SKA2: variants seen among roughly 807,000 people sequenced by gnomAD.
The protein encoded by SKA2 is spindle and kinetochore-associated protein 2.
SKA2 carries 13 observed loss-of-function variants against 16.9 expected under a neutral mutation model. The observed-to-expected ratio is 0.77, with a 90% CI of 0.50 to 1.22. SKA2 has a LOEUF of 1.22. Among genes scored for constraint, SKA2 ranks in the 50% most tolerant of loss-of-function variants. The pLI is 0.00. For missense variants in SKA2, 107 were observed against 139.7 expected (o/e 0.77, Z 1.18); for synonymous variants, 47 against 48.5 (o/e 0.97, Z 0.13).
At chr17:59,116,644 T>C (rs1374820477) in intron 3 of SKA2, among the ~76,000 whole-genome samples, 2 of 152,086 alleles carry the variant, frequency 1.3e-5, no homozygotes, top group East Asian at 1.9e-4. Context: ...AGATAATACC[T>C]GAACAGATAT....
At chr17:59,130,492 T>C (rs2046405141) in intron 2 of SKA2, among the ~76,000 whole-genome samples, 1 of 150,598 alleles carries the variant, frequency 6.6e-6, no homozygotes, top group Non-Finnish European at 1.5e-5. Flanking sequence ...TAGCTGGGCA[T>C]TGTGGCGCAC....
chr17:59,111,065 C>T lies in SKA2; in HGVS notation c.*1212G>A, dbSNP rs1279347780. The T allele has an allele frequency of 6.6e-6, 1 of 152,082 alleles. No individual in the cohort carries two copies. Among genetic ancestry groups the T allele is most frequent in the Non-Finnish European group, 1.5e-5 (1 of 68,034 alleles). The allele number at this position is 152,082 out of a possible 1,614,324, so 9.4% of individuals were successfully genotyped here. ...TATTGAAGGCTTACTAAATACTGAACCCTGTATTAAAACACTTTCCTGTCT... is the reference window on the plus strand; with the variant it reads ...TATTGAAGGCTTACTAAATACTGAATCCTGTATTAAAACACTTTCCTGTCT... On this transcript the variant is annotated 3_prime_UTR_variant, in exon 4 of 4. Transcript: ENST00000330137.
chr17:59,127,813 T>C (rs11658694), intron 2 of SKA2, among the ~76,000 whole-genome samples: 97,180 of 152,016 alleles, frequency 0.64, 31,786 homozygotes, highest in African/African-American at 0.77. Context: ...AGGTATATAC[T>C]CGAGAGAAAT....
chr17:59,112,996 C>G (rs571628952), intron 3 of SKA2, among the ~76,000 whole-genome samples: 2 of 152,084 alleles, frequency 1.3e-5, no homozygotes, highest in African/African-American at 4.8e-5. Context: ...TCCCTGCAGC[C>G]TCAACCTCCC....
chr17:59,144,415 C>A lies in SKA2; in HGVS notation c.33+10716G>T, dbSNP rs78712272. On this transcript the variant is annotated intron_variant, in intron 1 of 3. Transcript: ENST00000330137. Reference sequence around the variant, plus strand: ...TCCACCAATTCCACTTCTGGGTATACACCTAAAACAACTAAAAACAGGGTC... The same window carrying A: ...TCCACCAATTCCACTTCTGGGTATAAACCTAAAACAACTAAAAACAGGGTC... 3.7e-4 allele frequency among the ~76,000 whole-genome samples: 56 copies of A among 152,266 alleles called. No individual in the cohort carries two copies. The East Asian group carries it at 4.1e-3, about 11-fold the overall frequency.
chr17:59,155,000 A>C, intron 1 of SKA2, 131 bp downstream of exon 1: 1 of 1,613,822 alleles, frequency 6.2e-7, no homozygotes, highest in Non-Finnish European at 8.5e-7. Context: ...CCTTTGGTGC[A>C]GGAGGAGGGA....
Position 59,148,741 on chromosome 17 carries a change from G to A in SKA2, c.33+6390C>T, listed in dbSNP as rs548205239. Among the ~76,000 whole-genome samples the A allele has an allele frequency of 2.8e-5, 4 of 145,104 alleles. No homozygotes were observed. In the East Asian group the frequency reaches 8.2e-4, roughly 30 times the overall value. On this transcript the variant is annotated intron_variant, in intron 1 of 3. Coordinates refer to ENST00000330137, the MANE Select transcript of SKA2 (RefSeq NM_182620.4). ...GGGAGTATCATCTGAATCTTGGGAG[G>A]TCAAGGCTGCAGTGAGCTGTGACCG...
chr17:59,147,502 C>T (rs140360501), intron 1 of SKA2, among the ~76,000 whole-genome samples: 27 of 152,054 alleles, frequency 1.8e-4, no homozygotes, highest in Admixed American at 6.5e-4. Flanking sequence ...TTTTAGGTAT[C>T]TTTCTTCCCT....
chr17:59,113,085 T>C (rs2046274057), intron 3 of SKA2, among the ~76,000 whole-genome samples: 1 of 151,810 alleles, frequency 6.6e-6, no homozygotes. Flanking sequence ...TAGCTGGGCA[T>C]GGTGGCGCAC....
In SKA2 at chr17:59,111,962, A is replaced by G. The variant is rs140264201; in HGVS notation, c.*315T>C. 9.5e-4 allele frequency: 244 copies of G among 255,602 alleles called. 2 individuals are homozygous for G. In the Middle Eastern group the frequency reaches 0.01, roughly 11 times the overall value. The allele number at this position is 255,602 out of a possible 1,614,324, so 15.8% of individuals were successfully genotyped here. A position where few individuals can be genotyped will look rare whatever the true frequency, so the allele number is the denominator to read the frequency against. ...ACATCTATATTATCATGACTTAGAA[A>G]AAGAAAACAGATGCAAAATAGTGTT... On this transcript the variant is annotated 3_prime_UTR_variant, in exon 4 of 4. Transcript: ENST00000330137.
At position 59,111,192 on chromosome 17, in the gene SKA2, C is replaced by G. The variant is rs916943915; in HGVS notation, c.*1085G>C. ...TTACATCTCAGATATGACTCCAAAG[C>G]CCAATCTTCACTACAAAACTGCAAT... On this transcript the variant is annotated 3_prime_UTR_variant, in exon 4 of 4. Transcript: ENST00000330137. 3 of 152,158 alleles carry G rather than the reference C, an allele frequency of 2.0e-5. No homozygotes were observed. Among genetic ancestry groups the G allele is most frequent in the Admixed American group, 2.0e-4 (3 of 15,242 alleles). 9.4% of individuals were successfully genotyped at this position (152,158 alleles called of 1,614,324 possible). A position where few individuals can be genotyped will look rare whatever the true frequency, so the allele number is the denominator to read the frequency against.
intron 1 of SKA2, among the ~76,000 whole-genome samples, chr17:59,137,575 C>T (rs1476803006): frequency 6.6e-6 from 1 of 152,262 alleles, no homozygotes; most frequent in African/African-American, 2.4e-5. Flanking sequence ...CTTTTCAATA[C>T]TAAAATTCCA....
At chr17:59,122,431 C>T (rs771680349) in intron 2 of SKA2, among the ~76,000 whole-genome samples, 1 of 151,860 alleles carries the variant, frequency 6.6e-6, no homozygotes, top group Non-Finnish European at 1.5e-5. Context: ...GCCAACATGG[C>T]GAAACCTCAT....
chr17:59,114,341 T>TA (rs2046283007), intron 3 of SKA2, among the ~76,000 whole-genome samples: 1 of 152,176 alleles, frequency 6.6e-6, no homozygotes, highest in Non-Finnish European at 1.5e-5. Context: ...AATGCATCGT[T>TA]AGGCAGTTTC....
rs1266291442 is a variant in SKA2, at chr17:59,126,548, C to T, written c.120+4733G>A. Among the ~76,000 whole-genome samples the T allele has an allele frequency of 3.9e-5, 6 of 152,170 alleles. No individual in the cohort carries two copies. The South Asian group carries it at 6.2e-4, about 16-fold the overall frequency. ...GCTACTGCAACTAGTTGTTTACTTTCTTTCCTGTTCCTTTACATGTATATA... is the reference window on the plus strand; with the variant it reads ...GCTACTGCAACTAGTTGTTTACTTTTTTTCCTGTTCCTTTACATGTATATA... On this transcript the variant is annotated intron_variant, in intron 2 of 3. Transcript: ENST00000330137.
At chr17:59,113,359 T>TA (rs1319814623) in intron 3 of SKA2, among the ~76,000 whole-genome samples, 3 of 150,006 alleles carry the variant, frequency 2.0e-5, no homozygotes, top group Admixed American at 6.6e-5. Flanking sequence ...CCATCTCTAC[T>TA]AAAAAACACA....
intron 3 of SKA2, among the ~76,000 whole-genome samples, chr17:59,115,989 CGTTT>C (rs1785168852): frequency 1.3e-5 from 2 of 151,864 alleles, no homozygotes; most frequent in South Asian, 4.2e-4. Context: ...ATGTTTTGGG[CGTTT>C]GTTTTGCTAT....
At position 59,110,813 on chromosome 17, in the gene SKA2, G is replaced by C. The variant is rs900469857; in HGVS notation, c.*1464C>G. The stretch of plus-strand genomic sequence containing the variant: ...CAAAAAAAAAAAAAAAAAAAAAAAG[G>C]CTTTCTGTTCTTGAAATATTCAAAC... On this transcript the variant is annotated 3_prime_UTR_variant, in exon 4 of 4. Transcript: ENST00000330137. The C allele has an allele frequency of 2.1e-5, 3 of 145,934 alleles. No homozygotes were observed. Among genetic ancestry groups the C allele is most frequent in the Non-Finnish European group, 4.5e-5 (3 of 66,618 alleles). 9.0% of individuals were successfully genotyped at this position (145,934 alleles called of 1,614,324 possible).
rs1337205495 is a variant in SKA2 at position 59,119,413 on chromosome 17, GC to G, written c.202del (p.Ala68LeufsTer15). ...QTLYARFKPV[A>X]VEQKESKSRI... is the part of the protein sequence containing the mutation. ...GCTCTTACTCTCTTTCTGCTCAACAGCAACTGGTTTAAAGCGGGCATACAAA... is the reference window on the plus strand; with the variant it reads ...GCTCTTACTCTCTTTCTGCTCAACAGAACTGGTTTAAAGCGGGCATACAAA... On this transcript the variant is annotated frameshift_variant, in exon 3 of 4. Transcript: ENST00000330137. LOFTEE classifies it high-confidence loss of function. 2 of 1,613,808 alleles carry G rather than the reference GC, an allele frequency of 1.2e-6. No individual in the cohort carries two copies. Among genetic ancestry groups the G allele is most frequent in the Non-Finnish European group, 1.7e-6 (2 of 1,179,866 alleles).
Sources: gnomAD v4.1 joint callset for allele counts (sites outside exome capture counted in the v4.1 genomes callset) on GRCh38, gnomAD v4.1.1 for gene constraint, MANE v1.5 for transcripts, NCBI Gene and HGNC (gene_info 2026-07-23, HGNC 2026-07-21) for gene names.